KAZN: variants seen among roughly 807,000 people sequenced by gnomAD.
KAZN encodes the protein kazrin.
A neutral mutation model predicts 87.4 loss-of-function variants in KAZN; 40 were observed. That is an observed-to-expected ratio of 0.46 (90% CI 0.36 to 0.60). The LOEUF is 0.60. KAZN is among the 20% of genes least tolerant of loss of function. KAZN has a pLI of 0.00. For synonymous variants in KAZN, 466 were observed against 458.3 expected (o/e 1.02, Z -0.22); for missense variants, 898 against 1,073.9 (o/e 0.84, Z 2.29).
chr1:14,466,926 G>A (rs1396102313), intron 2 of KAZN, among the ~76,000 whole-genome samples: 6 of 152,100 alleles, frequency 3.9e-5, no homozygotes, highest in South Asian at 2.1e-4. Flanking sequence ...CCGAGATCGC[G>A]CCACTGCGCT....
intron 2 of KAZN, among the ~76,000 whole-genome samples, chr1:14,209,901 C>T (rs1646818469): frequency 6.6e-6 from 1 of 152,134 alleles, no homozygotes; most frequent in Admixed American, 6.5e-5. Flanking sequence ...AGACGAGCTG[C>T]TACTGTTTGT....
intron 1 of KAZN, among the ~76,000 whole-genome samples, chr1:14,601,300 G>T (rs6687972): frequency 4.0e-5 from 6 of 151,580 alleles, no homozygotes; most frequent in Non-Finnish European, 8.8e-5. Flanking sequence ...CCGCATAACC[G>T]TCTAAACTGA....
intron 1 of KAZN, among the ~76,000 whole-genome samples, chr1:14,637,333 T>C (rs1453894334): frequency 6.6e-6 from 1 of 152,186 alleles, no homozygotes; most frequent in African/African-American, 2.4e-5. Context: ...GCTGAGTTCT[T>C]TGCTTACATT....
chr1:14,347,519 A>C (rs760989572), intron 2 of KAZN, among the ~76,000 whole-genome samples: 9 of 152,170 alleles, frequency 5.9e-5, no homozygotes, highest in Non-Finnish European at 1.2e-4. Flanking sequence ...TTGAATCTTT[A>C]AACCATCTTG....
At chr1:14,213,683 GA>G (rs1224325174) in intron 2 of KAZN, among the ~76,000 whole-genome samples, 1 of 152,182 alleles carries the variant, frequency 6.6e-6, no homozygotes, top group Non-Finnish European at 1.5e-5. Flanking sequence ...TAGAGGGTTT[GA>G]AGCCAAAGAA....
chr1:14,973,941 G>A (rs1421916040), intron 2 of KAZN, among the ~76,000 whole-genome samples: 1 of 151,828 alleles, frequency 6.6e-6, no homozygotes, highest in African/African-American at 2.4e-5. Context: ...TGTGAATCAG[G>A]GATTTGGCAG....
At position 14,481,731 on chromosome 1, in the gene KAZN, C is replaced by T. The variant is rs144410783; in HGVS notation, c.250-117252C>T. Among the ~76,000 whole-genome samples, 782 of 151,502 alleles carry T rather than the reference C, an allele frequency of 5.2e-3. 8 individuals are homozygous for T. The highest frequency in any genetic ancestry group is 0.018 in the African/African-American group (742 of 41,344). On this transcript the variant is annotated intron_variant, in intron 2 of 16. Coordinates refer to the KAZN transcript ENST00000636203. ...AAAACTGGGAGATGTATACACAGGG[C>T]AACTAGAAACCGAGAGAGAGATTGT...
intron 1 of KAZN, among the ~76,000 whole-genome samples, chr1:14,837,308 C>T (rs1052736566): frequency 6.6e-6 from 1 of 152,022 alleles, no homozygotes; most frequent in Non-Finnish European, 1.5e-5. Flanking sequence ...AAGTGATTCT[C>T]CTGCCTCAGC....
At chr1:14,977,139 G>A (rs530295538) in intron 2 of KAZN, among the ~76,000 whole-genome samples, 3 of 152,204 alleles carry the variant, frequency 2.0e-5, no homozygotes, top group African/African-American at 7.2e-5. Context: ...TCCTCGGGGC[G>A]GTGATTCCCC....
At chr1:14,857,343 A>ACCAGC (rs1650255309) in intron 1 of KAZN, among the ~76,000 whole-genome samples, 1 of 152,072 alleles carries the variant, frequency 6.6e-6, no homozygotes, top group African/African-American at 2.4e-5. Context: ...TAAGCTCGAG[A>ACCAGC]CTAGCCTTAG....
chr1:13,950,700 C>T (rs570473691), intron 1 of KAZN, among the ~76,000 whole-genome samples: 7 of 152,262 alleles, frequency 4.6e-5, no homozygotes, highest in East Asian at 1.9e-4. Context: ...GAAGGAGCTG[C>T]GGCCTGGAGA....
chr1:14,164,610 G>A (rs967515411), intron 1 of KAZN, among the ~76,000 whole-genome samples: 1 of 142,338 alleles, frequency 7.0e-6, no homozygotes, highest in Admixed American at 7.6e-5. Context: ...GCACGATCTC[G>A]GCTCACCACA....
chr1:14,935,868 A>G (rs1279444480), intron 1 of KAZN, among the ~76,000 whole-genome samples: 1 of 152,130 alleles, frequency 6.6e-6, no homozygotes, highest in African/African-American at 2.4e-5. Context: ...TTGGTGGGGC[A>G]AGCGGAGCTG....
intron 2 of KAZN, among the ~76,000 whole-genome samples, chr1:14,236,636 G>A (rs1387535971): frequency 6.6e-6 from 1 of 152,062 alleles, no homozygotes; most frequent in African/African-American, 2.4e-5. Context: ...AAAACGTATC[G>A]GCCAGGCACA....
At chr1:14,491,089 A>G (rs573699293) in intron 2 of KAZN, among the ~76,000 whole-genome samples, 2 of 152,282 alleles carry the variant, frequency 1.3e-5, no homozygotes, top group Non-Finnish European at 2.9e-5. Context: ...AGATTTTTCC[A>G]ATTTTCCTCA....
intron 2 of KAZN, among the ~76,000 whole-genome samples, chr1:14,580,096 T>G (rs1400678458): frequency 6.6e-6 from 1 of 152,196 alleles, no homozygotes; most frequent in Non-Finnish European, 1.5e-5. Flanking sequence ...TATTTGCAAA[T>G]TCACTGACCG....
intron 2 of KAZN, among the ~76,000 whole-genome samples, chr1:14,202,858 C>T (rs917266426): frequency 6.6e-6 from 1 of 151,882 alleles, no homozygotes; most frequent in African/African-American, 2.4e-5. Context: ...CTCTACTAAA[C>T]ATATAAAAAG....
At chr1:14,678,065 G>A (rs1482252276) in intron 1 of KAZN, among the ~76,000 whole-genome samples, 1 of 152,196 alleles carries the variant, frequency 6.6e-6, no homozygotes, top group East Asian at 1.9e-4. Flanking sequence ...TGGCACCTCT[G>A]ATGGTTAAAT....
chr1:14,628,582 A>G (rs1486234173), intron 1 of KAZN, among the ~76,000 whole-genome samples: 2 of 152,256 alleles, frequency 1.3e-5, no homozygotes, highest in African/African-American at 4.8e-5. Context: ...GTGGTTTAAT[A>G]GTTCAGATGC....
Sources: allele counts gnomAD v4.1 joint callset (sites outside exome capture counted in the v4.1 genomes callset), GRCh38; gene constraint gnomAD v4.1.1; transcripts MANE v1.5; gene names NCBI Gene and HGNC (gene_info 2026-07-23, HGNC 2026-07-21).